Variants in RAD52 observed in about 807,000 individuals in gnomAD.
RAD52 encodes DNA repair protein RAD52 homolog.
RAD52 carries 47 observed loss-of-function variants against 55.5 expected under a neutral mutation model. That is an observed-to-expected ratio of 0.85 (90% CI 0.67 to 1.08). The LOEUF is 1.08. Ranked by LOEUF, RAD52 falls within the 50% of genes least tolerant of loss-of-function variation. The probability of loss-of-function intolerance (pLI) is 0.00; values close to 1 mark genes in which losing one functional copy is unlikely to be tolerated. For missense variants in RAD52, 468 were observed against 522.8 expected (o/e 0.90, Z 1.02); for synonymous variants, 184 against 198.9 (o/e 0.92, Z 0.63).
chr12:939,311 C>T (rs998709432), intron 1 of RAD52, among the ~76,000 whole-genome samples: 4 of 151,934 alleles, frequency 2.6e-5, no homozygotes, highest in South Asian at 2.1e-4. Context: ...ACGCCACACA[C>T]GGCATATTTT....
chr12:938,853 C>A (rs115923102), intron 1 of RAD52, among the ~76,000 whole-genome samples: 2,110 of 152,200 alleles, frequency 0.014, 53 homozygotes, highest in African/African-American at 0.046. Context: ...CCACAACCTC[C>A]TGGGCTCAGG....
chr12:933,104 A>T (rs2154115037), intron 1 of RAD52, 28 bp from the exon 2 acceptor site: 2 of 1,491,892 alleles, frequency 1.3e-6, no homozygotes, highest in Non-Finnish European at 1.8e-6. Context: ...GGAAAAAAAA[A>T]ACAACCCTCA....
At chr12:933,947 T>A (rs568394759) in intron 1 of RAD52, among the ~76,000 whole-genome samples, 158 of 151,690 alleles carry the variant, frequency 1.0e-3, no homozygotes, top group African/African-American at 3.5e-3. Flanking sequence ...CAAAACCCCA[T>A]CACTACAAAA....
intron 1 of RAD52, among the ~76,000 whole-genome samples, chr12:934,131 C>CAG (rs1185775065): frequency 2.7e-5 from 4 of 148,600 alleles, no homozygotes; most frequent in African/African-American, 7.4e-5. Flanking sequence ...AAAAAAAAGG[C>CAG]AGGCACACAA....
chr12:916,162 T>G, intron 9 of RAD52, 182 bp downstream of exon 9: 5 of 1,336,124 alleles, frequency 3.7e-6, no homozygotes, highest in Non-Finnish European at 3.9e-6. Context: ...AACGGGAAAA[T>G]GTACAGCAGA....
intron 1 of RAD52, among the ~76,000 whole-genome samples, chr12:934,976 G>GCA (rs1957537312): frequency 6.6e-6 from 1 of 152,050 alleles, no homozygotes; most frequent in African/African-American, 2.4e-5. Context: ...TTAGCCGGAT[G>GCA]TGGTGGCAGG....
At chr12:932,644 G>A (rs1348123560) in intron 2 of RAD52, among the ~76,000 whole-genome samples, 1 of 151,928 alleles carries the variant, frequency 6.6e-6, no homozygotes, top group African/African-American at 2.4e-5. Context: ...CTAATCCCCA[G>A]TACTATCAGT....
chr12:979,525 A>G (rs1037365635), intron 1 of RAD52, among the ~76,000 whole-genome samples: 7 of 152,158 alleles, frequency 4.6e-5, no homozygotes, highest in African/African-American at 1.7e-4. Context: ...AAGAGACACC[A>G]GACCACATGT....
At chr12:917,829 C>A (rs1956487947) in intron 7 of RAD52, among the ~76,000 whole-genome samples, 1 of 45,824 alleles carries the variant, frequency 2.2e-5, no homozygotes. Flanking sequence ...ATCCCAGCTA[C>A]TCGGGAGGCT....
At chr12:932,612 AC>A (rs1207244014) in intron 2 of RAD52, among the ~76,000 whole-genome samples, 1 of 151,996 alleles carries the variant, frequency 6.6e-6, no homozygotes, top group Non-Finnish European at 1.5e-5. Flanking sequence ...ATCCCCCCCC[AC>A]AAAAAATTTA....
rs566814201 is a variant in RAD52, at chr12:942,576, G to A, written c.-19+7026C>T. ...AACCTGGCCAACCTGGTGAAACCCTGTCTCTAATAAAAATACAAAAATTAG... is the reference window on the plus strand; with the variant it reads ...AACCTGGCCAACCTGGTGAAACCCTATCTCTAATAAAAATACAAAAATTAG... On this transcript the variant is annotated intron_variant, in intron 1 of 11. Coordinates refer to ENST00000358495, the MANE Select transcript of RAD52 (RefSeq NM_134424.4). Among the ~76,000 whole-genome samples the A allele has an allele frequency of 4.5e-4, 69 of 152,118 alleles. 1 individual carries two copies. Among genetic ancestry groups the A allele is most frequent in the African/African-American group, 1.6e-3 (68 of 41,514 alleles).
intron 1 of RAD52, among the ~76,000 whole-genome samples, chr12:988,436 G>A (rs1365194975): frequency 1.3e-5 from 2 of 152,104 alleles, no homozygotes; most frequent in Admixed American, 6.6e-5. Context: ...CTGTTCATAC[G>A]TATGAGGCAG....
chr12:914,960 C>G (rs535357784), intron 9 of RAD52, among the ~76,000 whole-genome samples: 1 of 152,094 alleles, frequency 6.6e-6, no homozygotes, highest in African/African-American at 2.4e-5. Context: ...GAATTCGAGA[C>G]GCCACCTCTA....
intron 1 of RAD52, among the ~76,000 whole-genome samples, chr12:933,947 T>C (rs568394759): frequency 6.6e-6 from 1 of 151,572 alleles, no homozygotes; most frequent in Non-Finnish European, 1.5e-5. Context: ...CAAAACCCCA[T>C]CACTACAAAA....
At chr12:987,322 T>C (rs1959099247) in intron 1 of RAD52, among the ~76,000 whole-genome samples, 1 of 152,102 alleles carries the variant, frequency 6.6e-6, no homozygotes, top group South Asian at 2.1e-4. Flanking sequence ...CTTTGGAAAC[T>C]TAGAATCTTC....
At chr12:934,110 A>C (rs1292777807) in intron 1 of RAD52, among the ~76,000 whole-genome samples, 3 of 150,772 alleles carry the variant, frequency 2.0e-5, no homozygotes, top group Non-Finnish European at 4.4e-5. Flanking sequence ...TCTCAAAAAA[A>C]AAAAAAAACA....
At chr12:952,772 A>C (rs1214056359), upstream of RAD52, among the ~76,000 whole-genome samples, 1 of 149,072 alleles carries the variant, frequency 6.7e-6, no homozygotes, top group Non-Finnish European at 1.5e-5. Flanking sequence ...GGTGCCTGTA[A>C]TCCCAGCTAC....
At chr12:990,551 C>G (rs1959171584), upstream of RAD52, 1 of 152,278 alleles carries the variant, frequency 6.6e-6, no homozygotes, top group African/African-American at 2.4e-5. Flanking sequence ...TCCCCGCGTC[C>G]TGGCGGGATC....
At chr12:953,192 C>G (rs1958559447), upstream of RAD52, among the ~76,000 whole-genome samples, 2 of 151,202 alleles carry the variant, frequency 1.3e-5, no homozygotes, top group Non-Finnish European at 2.9e-5. Flanking sequence ...TTAATCTCAG[C>G]TACTCGGGAG....
Sources: gnomAD v4.1 joint callset for allele counts (sites outside exome capture counted in the v4.1 genomes callset) on GRCh38, gnomAD v4.1.1 for gene constraint, MANE v1.5 for transcripts, NCBI Gene and HGNC (gene_info 2026-07-23, HGNC 2026-07-21) for gene names.